The following DLGAP1 variants were observed in gnomAD, a reference collection of about 807,000 sequenced individuals.
DLGAP1 encodes the protein DLG associated protein 1.
DLGAP1 carries 11 observed loss-of-function variants against 90.8 expected under a neutral mutation model. The ratio of observed to expected loss-of-function variants is 0.12; its 90% CI spans 0.08 to 0.20. DLGAP1 has a LOEUF of 0.20. DLGAP1 is among the 10% of genes least tolerant of loss of function. The pLI, the probability that DLGAP1 is intolerant of heterozygous loss-of-function variation, is 1.00. For missense variants in DLGAP1, 1,050 were observed against 1,333.8 expected (o/e 0.79, Z 3.31); for synonymous variants, 558 against 540.7 (o/e 1.03, Z -0.44).
intron 7 of DLGAP1, among the ~76,000 whole-genome samples, chr18:3,622,712 G>A (rs921773400): frequency 6.6e-6 from 1 of 152,178 alleles, no homozygotes; most frequent in African/African-American, 2.4e-5. Flanking sequence ...CTTGGCTAGC[G>A]GAAAGATAAT....
At chr18:4,183,254 T>C (rs562477662) in intron 1 of DLGAP1, among the ~76,000 whole-genome samples, 4 of 152,212 alleles carry the variant, frequency 2.6e-5, no homozygotes, top group South Asian at 4.1e-4. Context: ...TTTTCCCTAA[T>C]TGAGATTTAA....
chr18:3,659,592 A>ATCT (rs1193075299), intron 7 of DLGAP1, among the ~76,000 whole-genome samples: 2 of 151,066 alleles, frequency 1.3e-5, no homozygotes, highest in Non-Finnish European at 2.9e-5. Context: ...TTGAGACAGA[A>ATCT]TCTCCCTCTG....
At chr18:3,906,564 T>C (rs1217026366) in intron 3 of DLGAP1, among the ~76,000 whole-genome samples, 1 of 152,196 alleles carries the variant, frequency 6.6e-6, no homozygotes, top group Non-Finnish European at 1.5e-5. Context: ...TTTGAAATTA[T>C]AATTACGTAA....
At chr18:3,952,193 A>C (rs2072999845) in intron 3 of DLGAP1, among the ~76,000 whole-genome samples, 1 of 152,236 alleles carries the variant, frequency 6.6e-6, no homozygotes, top group South Asian at 2.1e-4. Context: ...GACTCAGATC[A>C]TACAGTTTGG....
chr18:4,335,278 G>C (rs1043468460), intron 1 of DLGAP1, among the ~76,000 whole-genome samples: 9 of 151,864 alleles, frequency 5.9e-5, no homozygotes, highest in African/African-American at 2.2e-4. Context: ...TGGACTAAAT[G>C]ATAAAAGTGT....
intron 7 of DLGAP1, among the ~76,000 whole-genome samples, chr18:3,637,692 A>T (rs947690751): frequency 2.6e-5 from 4 of 151,878 alleles, no homozygotes; most frequent in Non-Finnish European, 4.4e-5. Context: ...GGCTTCAATG[A>T]GCCATGATTG....
At chr18:3,545,029 G>A (rs752811532) in intron 9 of DLGAP1, among the ~76,000 whole-genome samples, 15 of 152,210 alleles carry the variant, frequency 9.9e-5, no homozygotes, top group Non-Finnish European at 1.9e-4. Flanking sequence ...AGCATTTTGG[G>A]AGGCCGAGGT....
chr18:4,322,274 T>C (rs933000450), intron 1 of DLGAP1, among the ~76,000 whole-genome samples: 4 of 152,022 alleles, frequency 2.6e-5, no homozygotes, highest in Non-Finnish European at 5.9e-5. Context: ...AACAGCATAG[T>C]ACTGGCATAA....
chr18:3,879,109 T>C lies in DLGAP1; in HGVS notation c.957+3A>G. Reference sequence around the variant, plus strand: ...AAGCCTCCATCATTGACAGAAATGGTACCTGCAGGTACTGGCAGGAGCGTT... The same window carrying C: ...AAGCCTCCATCATTGACAGAAATGGCACCTGCAGGTACTGGCAGGAGCGTT... On this transcript the variant is annotated splice_donor_region_variant and intron_variant, in intron 4 of 12. Transcript: ENST00000315677. This position sits in a 1 kb window ranked among gnomAD's most constrained non-coding sequence, Gnocchi z 6.6. 1 of 1,493,464 alleles carries C rather than the reference T, an allele frequency of 6.7e-7. No homozygotes were observed. Among genetic ancestry groups the C allele is most frequent in the Non-Finnish European group, 8.9e-7 (1 of 1,121,060 alleles). 92.5% of individuals were successfully genotyped at this position (1,493,464 alleles called of 1,614,324 possible).
rs566298192 is a variant in DLGAP1 at position 3,924,991 on chromosome 18, T to C, written c.-72-44851A>G. 3.3e-5 allele frequency among the ~76,000 whole-genome samples: 5 copies of C among 152,230 alleles called. No individual in the cohort carries two copies. In the South Asian group the frequency reaches 1.0e-3, roughly 32 times the overall value. On this transcript the variant is annotated intron_variant, in intron 3 of 12. Coordinates refer to ENST00000315677, the MANE Select transcript of DLGAP1 (RefSeq NM_004746.4). Reference sequence around the variant, plus strand: ...TTTTGGAGACAGAGTCTTGCTCCATTGCCCGGGCTGGAGTGCAGTGGCGTG... The same window carrying C: ...TTTTGGAGACAGAGTCTTGCTCCATCGCCCGGGCTGGAGTGCAGTGGCGTG...
chr18:3,879,014 G>T lies in DLGAP1; in HGVS notation c.957+98C>A. The T allele has an allele frequency of 9.8e-7, 1 of 1,024,580 alleles. No homozygotes were observed. Among genetic ancestry groups the T allele is most frequent in the Non-Finnish European group, 1.3e-6 (1 of 745,358 alleles). The allele number at this position is 1,024,580 out of a possible 1,614,324, so 63.5% of individuals were successfully genotyped here. On this transcript the variant is annotated intron_variant, in intron 4 of 12. Transcript: ENST00000315677. The surrounding 1 kb of genome is among the most constrained non-coding windows in gnomAD (Gnocchi z 6.6). ...ATTTGCACAGGTTCCTATCTTAATAGACAATTCAGAGTAGTGCCAAGACTA... is the reference window on the plus strand; with the variant it reads ...ATTTGCACAGGTTCCTATCTTAATATACAATTCAGAGTAGTGCCAAGACTA...
intron 3 of DLGAP1, among the ~76,000 whole-genome samples, chr18:3,915,046 A>G (rs1166274373): frequency 6.6e-6 from 1 of 152,162 alleles, no homozygotes; most frequent in Non-Finnish European, 1.5e-5. Flanking sequence ...TTCAGCTGTT[A>G]ATAGCCATTG....
chr18:4,105,874 CA>C (rs1198509465), intron 2 of DLGAP1, among the ~76,000 whole-genome samples: 3 of 150,866 alleles, frequency 2.0e-5, no homozygotes, highest in East Asian at 3.9e-4. Context: ...ACTAAAAATA[CA>C]AAAAAAATTA....
chr18:4,215,072 T>C (rs969569442), intron 1 of DLGAP1, among the ~76,000 whole-genome samples: 3 of 152,170 alleles, frequency 2.0e-5, no homozygotes, highest in African/African-American at 7.2e-5. Flanking sequence ...CTCTTTATTC[T>C]CACTTTATTG....
chr18:3,700,923 G>C (rs1268033368), intron 7 of DLGAP1, among the ~76,000 whole-genome samples: 1 of 152,102 alleles, frequency 6.6e-6, no homozygotes, highest in Non-Finnish European at 1.5e-5. Flanking sequence ...TTGTTGCCCA[G>C]GCTGGAATGC....
intron 3 of DLGAP1, among the ~76,000 whole-genome samples, chr18:3,953,748 C>G (rs893173056): frequency 2.0e-5 from 3 of 152,062 alleles, no homozygotes; most frequent in African/African-American, 7.2e-5. Flanking sequence ...ATTTTTAGTT[C>G]TTTGACAAAT....
intron 1 of DLGAP1, among the ~76,000 whole-genome samples, chr18:4,351,434 A>G (rs2081400002): frequency 1.3e-5 from 2 of 152,218 alleles, no homozygotes; most frequent in Non-Finnish European, 2.9e-5. Flanking sequence ...GCTCTGAGAT[A>G]AATAATTTAA....
At chr18:4,164,388 G>A (rs2076897965) in intron 1 of DLGAP1, among the ~76,000 whole-genome samples, 2 of 152,168 alleles carry the variant, frequency 1.3e-5, no homozygotes, top group Non-Finnish European at 2.9e-5. Flanking sequence ...TAAACGATCA[G>A]ACACTGCCGG....
intron 7 of DLGAP1, among the ~76,000 whole-genome samples, chr18:3,659,755 A>G (rs1015647325): frequency 3.9e-5 from 6 of 152,032 alleles, no homozygotes; most frequent in Non-Finnish European, 8.8e-5. Context: ...TAGTAGAGAC[A>G]GGGTTTCACC....
Sources: gnomAD v4.1 joint callset for allele counts (sites outside exome capture counted in the v4.1 genomes callset) on GRCh38, gnomAD v4.1.1 for gene constraint, Gnocchi (gnomAD v3.1) non-coding constraint, MANE v1.5 for transcripts, NCBI Gene and HGNC (gene_info 2026-07-23, HGNC 2026-07-21) for gene names.